Variants in CERK observed in about 807,000 individuals in gnomAD.
CERK encodes ceramide kinase.
CERK carries 39 observed loss-of-function variants against 63.4 expected under a neutral mutation model. That is an observed-to-expected ratio of 0.61 (90% CI 0.48 to 0.80). The LOEUF (loss-of-function observed/expected upper bound fraction) is 0.80. Among genes scored for constraint, CERK ranks in the 30% least tolerant of loss-of-function variants. The pLI is 0.00. For missense variants in CERK, 670 were observed against 714.1 expected (o/e 0.94, Z 0.70); for synonymous variants, 302 against 280.0 (o/e 1.08, Z -0.78).
intron 5 of CERK, 96 bp from the exon 6 acceptor site, chr22:46,708,084 C>G (rs1180798557): frequency 2.2e-6 from 3 of 1,370,404 alleles, no homozygotes; most frequent in Non-Finnish European, 2.9e-6. Flanking sequence ...GCAGCCTGCA[C>G]ACCTGGCCCT....
At position 46,690,287 on chromosome 22, in the gene CERK, C is replaced by T. The variant is rs546984610; in HGVS notation, c.1333-87G>A. ...AGAACACCCCAGGCCTGACAGCGAG[C>T]GCTGTCAGGCCTGGGTGCACACACG... On this transcript the variant is annotated intron_variant, in intron 11 of 12. Coordinates refer to ENST00000216264, the MANE Select transcript of CERK (RefSeq NM_022766.6). The T allele has an allele frequency of 2.5e-4, 250 of 1,003,746 alleles. No individual in the cohort carries two copies. In the Admixed American group the frequency reaches 4.8e-3, roughly 19 times the overall value. The allele number at this position is 1,003,746 out of a possible 1,614,324, so 62.2% of individuals were successfully genotyped here. A position where few individuals can be genotyped will look rare whatever the true frequency, so the allele number is the denominator to read the frequency against.
intron 1 of CERK, among the ~76,000 whole-genome samples, chr22:46,725,557 G>C (rs1180216767): frequency 6.6e-6 from 1 of 152,252 alleles, no homozygotes; most frequent in Non-Finnish European, 1.5e-5. Context: ...GACAGATGCT[G>C]TGGGAACATC....
Position 46,687,197 on chromosome 22 carries a change from G to A in CERK, c.1551C>T (p.Cys517=), listed in dbSNP as rs776710997. The A allele has an allele frequency of 3.7e-6, 6 of 1,613,926 alleles. No homozygotes were observed. Among genetic ancestry groups the A allele is most frequent in the Non-Finnish European group, 5.1e-6 (6 of 1,180,018 alleles). Residue 517 remains cysteine (C), a synonymous_variant, in exon 13 of 13, where the codon TGC becomes TGT. Transcript: ENST00000216264. ...CTCGTGCAAAGAGTCGAACCAGCTG[G>A]CAGTGGACTCTGCAGAGACAAGCGG... is the stretch of plus-strand genomic sequence containing the variant. ...HSPAIEVRVH[C]QLVRLFARGI...
At position 46,685,262 on chromosome 22, in the gene CERK, G is replaced by A. The variant is rs2082694425; in HGVS notation, c.*1872C>T. On this transcript the variant is annotated 3_prime_UTR_variant, in exon 13 of 13. Coordinates refer to ENST00000216264, the MANE Select transcript of CERK (RefSeq NM_022766.6). The stretch of plus-strand genomic sequence containing the variant: ...AGTTGTGTATTTTTAGTAGAGACGA[G>A]GTTTCACCATGTTGGGCAGGCTGAT... 2 of 152,282 alleles carry A rather than the reference G, an allele frequency of 1.3e-5. No individual in the cohort carries two copies. The highest frequency in any genetic ancestry group is 4.1e-4 in the South Asian group (2 of 4,832). The allele number at this position is 152,282 out of a possible 1,614,324, so 9.4% of individuals were successfully genotyped here.
intron 3 of CERK, among the ~76,000 whole-genome samples, chr22:46,719,314 T>C (rs1251487315): frequency 6.6e-6 from 1 of 152,012 alleles, no homozygotes; most frequent in Non-Finnish European, 1.5e-5. Context: ...GGTGACAAAG[T>C]CTTGTTACTC....
chr22:46,733,190 CAG>C (rs373437453), intron 1 of CERK, among the ~76,000 whole-genome samples: 138 of 109,800 alleles, frequency 1.3e-3, no homozygotes, highest in African/African-American at 4.7e-3. Context: ...CCCTGGGCGA[CAG>C]AGTGGGACTC....
At chr22:46,706,339 C>T (rs1415215329) in intron 6 of CERK, among the ~76,000 whole-genome samples, 1 of 152,208 alleles carries the variant, frequency 6.6e-6, no homozygotes, top group Non-Finnish European at 1.5e-5. Flanking sequence ...TGGCAGGAAC[C>T]GAGAGGTCGG....
chr22:46,720,160 A>G lies in CERK; in HGVS notation c.305T>C (p.Val102Ala). The change falls in exon 3 of 13, where the codon GTG becomes GCG. Residue 102 changes from valine to alanine, a missense_variant. Val to Ala is a moderately conservative substitution (Grantham distance 64). Coordinates refer to ENST00000216264, the MANE Select transcript of CERK (RefSeq NM_022766.6). ...CTGCTCCTCTGGACACCAGAAAGTCACCTGCGCCCACTTCCAGCGGTGCCG... is the reference window on the plus strand; with the variant it reads ...CTGCTCCTCTGGACACCAGAAAGTCGCCTGCGCCCACTTCCAGCGGTGCCG... ...ARRHRWKWAQ[V>A]TFWCPEEQLC... 6.2e-7 allele frequency: 1 copy of G among 1,614,050 alleles called. No homozygotes were observed. The highest frequency in any genetic ancestry group is 8.5e-7 in the Non-Finnish European group (1 of 1,180,006).
intron 1 of CERK, among the ~76,000 whole-genome samples, chr22:46,729,341 A>C (rs2082934538): frequency 6.6e-6 from 1 of 152,234 alleles, no homozygotes; most frequent in African/African-American, 2.4e-5. Flanking sequence ...CCTGGGAAAC[A>C]GTGAGACTGT....
In CERK at chr22:46,738,033, C is replaced by T. The variant is rs1211777760; in HGVS notation, c.116G>A (p.Gly39Glu). Residue 39 changes from glycine to glutamate, a missense_variant, in exon 1 of 13, where the codon GGG (glycine) becomes GAG (glutamate). By Grantham distance (98) the Gly-to-Glu change is moderately conservative. Transcript: ENST00000216264. ...RALLRWWRSP[G>E]PGAGAPGADA... ...CGCGCCGGGGGCGCCGGCTCCGGGC[C>T]CCGGGCTCCGCCACCAGCGCAGCAG... 3.3e-6 allele frequency: 4 copies of T among 1,200,318 alleles called. No individual in the cohort carries two copies. Among genetic ancestry groups the T allele is most frequent in the Non-Finnish European group, 4.1e-6 (4 of 970,332 alleles). The allele number at this position is 1,200,318 out of a possible 1,614,324, so 74.4% of individuals were successfully genotyped here.
chr22:46,722,183 C>T (rs918594764), intron 1 of CERK, among the ~76,000 whole-genome samples: 2 of 152,046 alleles, frequency 1.3e-5, no homozygotes, highest in Non-Finnish European at 1.5e-5. Context: ...GCTAAAATAC[C>T]GTATTTTTGC....
rs1392881707 is a variant in CERK at position 46,720,981 on chromosome 22, G to A, written c.177C>T (p.Ala59=). ...TCCCGTGAACGTCTGTTTCCTCAAC[G>A]GCGATGATCTCAGATACAGGCACAG... is the stretch of plus-strand genomic sequence containing the variant. ...ACSVPVSEII[A]VEETDVHGKH... The change falls in exon 2 of 13, where the codon GCC becomes GCT. Residue 59 remains alanine, a synonymous_variant. Coordinates refer to ENST00000216264, the MANE Select transcript of CERK (RefSeq NM_022766.6). 9 of 1,613,498 alleles carry A rather than the reference G, an allele frequency of 5.6e-6. No individual in the cohort carries two copies. Among genetic ancestry groups the A allele is most frequent in the South Asian group, 4.4e-5 (4 of 91,070 alleles).
intron 7 of CERK, among the ~76,000 whole-genome samples, chr22:46,699,772 A>T (rs540461830): frequency 4.9e-4 from 75 of 152,336 alleles, no homozygotes; most frequent in African/African-American, 1.8e-3. Flanking sequence ...TTTAGAATGA[A>T]GAAAAAGTAC....
intron 1 of CERK, among the ~76,000 whole-genome samples, chr22:46,727,355 C>T (rs2082923622): frequency 6.6e-6 from 1 of 152,050 alleles, no homozygotes; most frequent in Non-Finnish European, 1.5e-5. Flanking sequence ...TCTCAGCTCA[C>T]TGCAGCCTCG....
At position 46,727,606 on chromosome 22, in the gene CERK, A is replaced by T. The variant is rs546243162; in HGVS notation, c.143-6591T>A. The stretch of plus-strand genomic sequence containing the variant: ...CACTGTGCCCAGTCTTCTTAGTTCT[A>T]GGGACACATCTCAAGTAAACAGTGT... On this transcript the variant is annotated intron_variant, in intron 1 of 12. Coordinates refer to ENST00000216264, the MANE Select transcript of CERK (RefSeq NM_022766.6). Among the ~76,000 whole-genome samples the T allele has an allele frequency of 9.9e-5, 15 of 152,132 alleles. No homozygotes were observed. In the South Asian group the frequency reaches 2.9e-3, roughly 29 times the overall value.
chr22:46,688,354 T>G (rs1378499611), intron 12 of CERK, among the ~76,000 whole-genome samples: 1 of 152,216 alleles, frequency 6.6e-6, no homozygotes, highest in Non-Finnish European at 1.5e-5. Flanking sequence ...ATTTTCAAAT[T>G]ATTCTATTTC....
chr22:46,702,751 G>A (rs185125465), intron 6 of CERK, among the ~76,000 whole-genome samples: 6 of 152,346 alleles, frequency 3.9e-5, no homozygotes, highest in South Asian at 2.1e-4. Context: ...TTTATCCTGC[G>A]CTTCACTGGC....
intron 11 of CERK, 134 bp downstream of exon 11, chr22:46,691,438 T>C (rs2082731000): frequency 1.2e-5 from 9 of 720,268 alleles, no homozygotes; most frequent in Non-Finnish European, 4.5e-6. Flanking sequence ...TTAAAGTTTG[T>C]GAAATTAAAA....
intron 8 of CERK, among the ~76,000 whole-genome samples, chr22:46,697,809 CTA>C (rs1267700116): frequency 2.3e-4 from 35 of 152,316 alleles, no homozygotes. Context: ...CTGGCCAATT[CTA>C]TGTATTTTTA....
Sources: gnomAD v4.1 joint callset for allele counts (sites outside exome capture counted in the v4.1 genomes callset) on GRCh38, gnomAD v4.1.1 for gene constraint, MANE v1.5 for transcripts, NCBI Gene and HGNC (gene_info 2026-07-23, HGNC 2026-07-21) for gene names.